The following ADAM22 variants were observed in gnomAD, a reference collection of about 807,000 sequenced individuals.
ADAM22 encodes disintegrin and metalloproteinase domain-containing protein 22.
ADAM22 carries 65 observed loss-of-function variants against 144.6 expected under a neutral mutation model. The observed-to-expected ratio is 0.45, with a 90% CI of 0.37 to 0.55. ADAM22 has a LOEUF of 0.55. ADAM22 is among the 20% of genes least tolerant of loss of function. The probability of loss-of-function intolerance (pLI) is 0.00; values close to 1 mark genes in which losing one functional copy is unlikely to be tolerated. For synonymous variants in ADAM22, 391 were observed against 412.6 expected (o/e 0.95, Z 0.63); for missense variants, 974 against 1,184.9 (o/e 0.82, Z 2.61).
chr7:88,116,485 A>G (rs1458094622), intron 6 of ADAM22, among the ~76,000 whole-genome samples: 5 of 152,174 alleles, frequency 3.3e-5, no homozygotes, highest in Non-Finnish European at 7.4e-5. Flanking sequence ...CCTTGGGGGA[A>G]TAGATTCATT....
At chr7:88,070,881 G>C (rs75899085) in intron 3 of ADAM22, among the ~76,000 whole-genome samples, 1 of 152,224 alleles carries the variant, frequency 6.6e-6, no homozygotes, top group East Asian at 1.9e-4. Flanking sequence ...TGAAGGGAGT[G>C]ATAATGAGGG....
chr7:87,947,744 A>G (rs1844063154), intron 2 of ADAM22, among the ~76,000 whole-genome samples: 1 of 152,176 alleles, frequency 6.6e-6, no homozygotes, highest in Non-Finnish European at 1.5e-5. Flanking sequence ...TGTTTTCTTA[A>G]GTGTTCTGAT....
intron 2 of ADAM22, among the ~76,000 whole-genome samples, chr7:87,966,730 T>G (rs1485378461): frequency 1.6e-5 from 2 of 128,668 alleles, no homozygotes; most frequent in Admixed American, 7.6e-5. Context: ...CGTTTTTTTT[T>G]TTTTTTTTTT....
chr7:88,179,096 C>A lies in ADAM22; in HGVS notation c.2462C>A (p.Ser821Tyr). 1 of 1,361,092 alleles carries A rather than the reference C, an allele frequency of 7.3e-7. No individual in the cohort carries two copies. Among genetic ancestry groups the A allele is most frequent in the South Asian group, 1.2e-5 (1 of 84,802 alleles). The allele number at this position is 1,361,092 out of a possible 1,614,324, so 84.3% of individuals were successfully genotyped here. A position where few individuals can be genotyped will look rare whatever the true frequency, so the allele number is the denominator to read the frequency against. The change falls in exon 27 of 32, where the codon TCC (serine) becomes TAC (tyrosine). Residue 821 changes from serine to tyrosine, a missense_variant. This residue lies in a region of ADAM22 where 734 missense variants were observed against 950.6 expected (regional missense o/e 0.77). Coordinates refer to ENST00000413139, the MANE Select transcript of ADAM22 (RefSeq NM_001324418.2). ...TCTACCTGTTCCATCACACATTATT[C>A]CATTAGTCAGAACATTTCATTATTT... ...QISTCSITHY[S>Y]ISQNISLFCS... is the part of the protein sequence containing the mutation.
intron 13 of ADAM22, 78 bp from the exon 14 acceptor site, chr7:88,135,902 A>C (rs554132702): frequency 8.0e-7 from 1 of 1,250,430 alleles, no homozygotes; most frequent in East Asian, 2.6e-5. Context: ...AAGTGGAGAT[A>C]ATTATTTTAA....
Position 88,114,591 on chromosome 7 carries a change from T to C in ADAM22, c.481T>C (p.Phe161Leu). 6.2e-7 allele frequency: 1 copy of C among 1,613,912 alleles called. No homozygotes were observed. The highest frequency in any genetic ancestry group is 1.1e-5 in the South Asian group (1 of 91,068). The change falls in exon 6 of 32, where the codon TTC becomes CTC. Residue 161 changes from phenylalanine (F) to leucine (L), a missense_variant. This residue lies in a region of ADAM22 where 240 missense variants were observed against 234.3 expected (regional missense o/e 1.02). Transcript: ENST00000413139. ...LSTCHGLHGM[F>L]YDGNHTYLIE... ...TTTTTTTGTCGTTGGCAGTGGGATGTTCTATGACGGGAACCACACATATCT... is the reference window on the plus strand; with the variant it reads ...TTTTTTTGTCGTTGGCAGTGGGATGCTCTATGACGGGAACCACACATATCT...
chr7:88,004,287 A>G (rs529127601), intron 3 of ADAM22, among the ~76,000 whole-genome samples: 1 of 152,362 alleles, frequency 6.6e-6, no homozygotes, highest in Admixed American at 6.5e-5. Context: ...GCAGCATTTC[A>G]TAAACTTCCT....
intron 6 of ADAM22, among the ~76,000 whole-genome samples, chr7:88,116,006 C>T (rs1201810595): frequency 6.6e-6 from 1 of 152,162 alleles, no homozygotes; most frequent in Non-Finnish European, 1.5e-5. Context: ...GAGGCAAATT[C>T]TTCCAAGAAA....
At chr7:88,153,393 T>C in intron 21 of ADAM22, 67 bp downstream of exon 21, 7 of 1,337,884 alleles carry the variant, frequency 5.2e-6, no homozygotes, top group Non-Finnish European at 7.3e-6. Context: ...TTTGAGTGAC[T>C]AGGAAGTTTC....
At chr7:88,087,582 T>C (rs1818762863) in intron 4 of ADAM22, among the ~76,000 whole-genome samples, 1 of 152,118 alleles carries the variant, frequency 6.6e-6, no homozygotes, top group South Asian at 2.1e-4. Context: ...GGCCAAAAAG[T>C]AAAAGTAGAC....
chr7:87,941,624 T>G (rs2131260799), intron 2 of ADAM22, among the ~76,000 whole-genome samples: 1 of 152,298 alleles, frequency 6.6e-6, no homozygotes, highest in East Asian at 1.9e-4. Context: ...ATTTTTATTC[T>G]CCTACCAACC....
chr7:87,956,201 A>C (rs1379276206), intron 2 of ADAM22, among the ~76,000 whole-genome samples: 2 of 152,036 alleles, frequency 1.3e-5, no homozygotes, highest in Non-Finnish European at 2.9e-5. Context: ...GAAATGCAGA[A>C]ATCACCCGTC....
At chr7:88,026,036 TTTATTG>T (rs1798954662) in intron 3 of ADAM22, among the ~76,000 whole-genome samples, 1 of 152,222 alleles carries the variant, frequency 6.6e-6, no homozygotes, top group Admixed American at 6.5e-5. Flanking sequence ...TTTTATACTT[TTTATTG>T]TAGAGATCTT....
intron 3 of ADAM22, among the ~76,000 whole-genome samples, chr7:88,007,063 A>G (rs1297817051): frequency 1.3e-5 from 2 of 152,264 alleles, no homozygotes; most frequent in Non-Finnish European, 2.9e-5. Context: ...GTCTCAGTAT[A>G]CAAAATCAAT....
At chr7:88,020,660 C>G (rs142184303) in intron 3 of ADAM22, among the ~76,000 whole-genome samples, 4 of 152,250 alleles carry the variant, frequency 2.6e-5, no homozygotes, top group Non-Finnish European at 4.4e-5. Flanking sequence ...TCCACTGCAT[C>G]GCGGTGGAAT....
chr7:88,101,743 G>A (rs543829229), intron 4 of ADAM22, among the ~76,000 whole-genome samples: 8 of 152,272 alleles, frequency 5.3e-5, no homozygotes, highest in African/African-American at 1.4e-4. Flanking sequence ...GTCAGCTCAG[G>A]AACTAGTGTA....
intron 2 of ADAM22, among the ~76,000 whole-genome samples, chr7:87,958,376 A>AT (rs954414827): frequency 6.6e-6 from 1 of 151,292 alleles, no homozygotes; most frequent in Non-Finnish European, 1.5e-5. Flanking sequence ...GTTTTTTTAA[A>AT]TTTTTTTTAT....
intron 14 of ADAM22, among the ~76,000 whole-genome samples, chr7:88,142,803 A>T (rs997258322): frequency 6.6e-6 from 1 of 151,502 alleles, no homozygotes; most frequent in Non-Finnish European, 1.5e-5. Flanking sequence ...GTGCCACTGC[A>T]CTCCAGCCTG....
intron 3 of ADAM22, among the ~76,000 whole-genome samples, chr7:87,995,490 T>G (rs1637509): frequency 0.4 from 61,342 of 152,024 alleles, 13,137 homozygotes; most frequent in Non-Finnish European, 0.45. Context: ...TAAAAACTAC[T>G]AATACCTGGG....
Sources: gnomAD v4.1 joint callset for allele counts (sites outside exome capture counted in the v4.1 genomes callset) on GRCh38, gnomAD v4.1.1 for gene constraint, gnomAD v4.1.1 regional missense constraint, MANE v1.5 for transcripts, NCBI Gene and HGNC (gene_info 2026-07-23, HGNC 2026-07-21) for gene names.